The following DNAH14 variants were observed in gnomAD, a reference collection of about 807,000 sequenced individuals.
DNAH14 encodes the protein dynein axonemal heavy chain 14, also known as axonemal beta dynein heavy chain 14.
Under a neutral mutation model 520.9 loss-of-function variants are expected in DNAH14, and 478 were observed. That is an observed-to-expected ratio of 0.92 (90% CI 0.85 to 0.99). DNAH14 has a LOEUF of 0.99. Among genes scored for constraint, DNAH14 ranks in the 50% least tolerant of loss-of-function variants. The pLI is 0.00. For synonymous variants in DNAH14, 1,581 were observed against 1,757.2 expected (o/e 0.90, Z 2.51); for missense variants, 4,831 against 5,234.5 (o/e 0.92, Z 2.38).
At chr1:225,347,675 G>T (rs1163185882) in intron 71 of DNAH14, among the ~76,000 whole-genome samples, 1 of 152,144 alleles carries the variant, frequency 6.6e-6, no homozygotes, top group Non-Finnish European at 1.5e-5. Context: ...ATTAGAAAAG[G>T]TTAAAAAGGT....
At chr1:225,296,228 T>G (rs1325174028) in intron 55 of DNAH14, among the ~76,000 whole-genome samples, 1 of 152,158 alleles carries the variant, frequency 6.6e-6, no homozygotes, top group Non-Finnish European at 1.5e-5. Flanking sequence ...CCAGTCTATA[T>G]CTTTTCTTAA....
At chr1:225,063,489 A>G (rs574632270) in intron 17 of DNAH14, among the ~76,000 whole-genome samples, 45 of 152,234 alleles carry the variant, frequency 3.0e-4, no homozygotes, top group African/African-American at 1.0e-3. Context: ...TGGAGGGCTG[A>G]CTGTATCTTA....
At chr1:224,998,782 A>T (rs2489324) in intron 8 of DNAH14, among the ~76,000 whole-genome samples, 31,696 of 152,014 alleles carry the variant, frequency 0.21, 4,425 homozygotes, top group African/African-American at 0.39. Flanking sequence ...TCCACTTGGT[A>T]GAAAAGTTGT....
At chr1:224,972,997 G>A (rs1279169557) in intron 7 of DNAH14, among the ~76,000 whole-genome samples, 2 of 152,124 alleles carry the variant, frequency 1.3e-5, no homozygotes, top group African/African-American at 4.8e-5. Flanking sequence ...GTTCCCCTCT[G>A]ATTCTTATGG....
At chr1:225,273,545 TAAC>T (rs2093373995) in intron 52 of DNAH14, among the ~76,000 whole-genome samples, 1 of 152,254 alleles carries the variant, frequency 6.6e-6, no homozygotes, top group Non-Finnish European at 1.5e-5. Flanking sequence ...GTAATTTTAT[TAAC>T]AATTCCATTT....
intron 43 of DNAH14, among the ~76,000 whole-genome samples, chr1:225,248,475 T>C (rs2092403688): frequency 6.6e-6 from 1 of 152,192 alleles, no homozygotes; most frequent in African/African-American, 2.4e-5. Context: ...AAATATCAGA[T>C]AACTTTAGAT....
At chr1:225,242,709 C>A (rs951310602) in intron 43 of DNAH14, among the ~76,000 whole-genome samples, 2 of 152,114 alleles carry the variant, frequency 1.3e-5, no homozygotes, top group African/African-American at 4.8e-5. Flanking sequence ...ATACATAAAC[C>A]AGTAACGTAG....
intron 18 of DNAH14, 144 bp from the exon 19 acceptor site, chr1:225,080,234 TG>T: frequency 1.2e-6 from 1 of 834,354 alleles, no homozygotes; most frequent in Non-Finnish European, 1.7e-6. Context: ...TATCTTTGTC[TG>T]GGCCAAATGG....
chr1:225,335,920 T>C (rs1333378745), intron 66 of DNAH14, among the ~76,000 whole-genome samples: 2 of 133,594 alleles, frequency 1.5e-5, no homozygotes, highest in African/African-American at 2.7e-5. Flanking sequence ...TATGTATATA[T>C]GCACATATAC....
chr1:225,192,715 A>G lies in DNAH14; in HGVS notation c.5690A>G (p.Lys1897Arg), dbSNP rs2085604581. ...SASKISERKG[K>R]VDICVLNPKC... ...TCCCAGATTTCAGAAAGAAAAGGAAAAGTAGATATTTGTGTTTTAAATCCA... is the reference window on the plus strand; with the variant it reads ...TCCCAGATTTCAGAAAGAAAAGGAAGAGTAGATATTTGTGTTTTAAATCCA... Residue 1897 changes from lysine to arginine, a missense_variant, in exon 38 of 86, where the codon AAA becomes AGA. Transcript: ENST00000682510. 1 of 1,548,162 alleles carries G rather than the reference A, an allele frequency of 6.5e-7. No homozygotes were observed. The highest frequency in any genetic ancestry group is 8.7e-7 in the Non-Finnish European group (1 of 1,144,802).
intron 17 of DNAH14, among the ~76,000 whole-genome samples, chr1:225,068,251 T>G (rs1018452685): frequency 9.2e-5 from 14 of 152,194 alleles, no homozygotes; most frequent in African/African-American, 3.1e-4. Flanking sequence ...GAAGATCTGA[T>G]AGTTGTAGGT....
At chr1:225,290,694 T>TATATATATATA (rs1574554023) in intron 55 of DNAH14, among the ~76,000 whole-genome samples, 2 of 119,138 alleles carry the variant, frequency 1.7e-5, no homozygotes, top group Non-Finnish European at 3.6e-5. Flanking sequence ...TATATATATA[T>TATATATATATA]TTCCTCCAAG....
At chr1:225,039,504 T>C (rs2067254626) in intron 12 of DNAH14, among the ~76,000 whole-genome samples, 1 of 151,986 alleles carries the variant, frequency 6.6e-6, no homozygotes. Flanking sequence ...TAAACAACCA[T>C]ATAAAGAACT....
At chr1:225,337,589 C>A in intron 67 of DNAH14, 93 bp downstream of exon 67, 1 of 968,056 alleles carries the variant, frequency 1.0e-6, no homozygotes, top group Non-Finnish European at 1.6e-6. Context: ...TGACAGATAA[C>A]TGTCAGGGAA....
intron 37 of DNAH14, among the ~76,000 whole-genome samples, chr1:225,189,777 A>T (rs1465835098): frequency 6.6e-6 from 1 of 151,776 alleles, no homozygotes; most frequent in Non-Finnish European, 1.5e-5. Flanking sequence ...GGCAAACTTA[A>T]TCTATTTTAT....
chr1:225,168,608 C>T (rs150754084), intron 36 of DNAH14, among the ~76,000 whole-genome samples: 8,452 of 152,224 alleles, frequency 0.056, 261 homozygotes, highest in Middle Eastern at 0.099. Flanking sequence ...GGAGGAGGGG[C>T]GCCTGCTATT....
At chr1:224,954,910 G>A (rs2060416363) in intron 2 of DNAH14, 49 bp from the exon 3 acceptor site, 1 of 1,439,448 alleles carries the variant, frequency 6.9e-7, no homozygotes, top group African/African-American at 1.4e-5. Context: ...GTATTTTATT[G>A]GTGTGATTTT....
At chr1:225,199,568 A>G (rs566172578) in intron 38 of DNAH14, among the ~76,000 whole-genome samples, 24 of 152,176 alleles carry the variant, frequency 1.6e-4, no homozygotes, top group African/African-American at 5.5e-4. Context: ...GAATTTTTAA[A>G]TTTCCATCTT....
intron 8 of DNAH14, among the ~76,000 whole-genome samples, chr1:224,983,450 C>T (rs1489975774): frequency 2.0e-5 from 3 of 152,048 alleles, no homozygotes; most frequent in Non-Finnish European, 4.4e-5. Flanking sequence ...CAACATAATA[C>T]TGAATGGGAA....
Sources: allele counts gnomAD v4.1 joint callset (sites outside exome capture counted in the v4.1 genomes callset), GRCh38; gene constraint gnomAD v4.1.1; transcripts MANE v1.5; gene names NCBI Gene and HGNC (gene_info 2026-07-23, HGNC 2026-07-21).